The following CEP85L variants were observed in gnomAD, a reference collection of about 807,000 sequenced individuals.
CEP85L encodes centrosomal protein of 85 kDa-like.
CEP85L carries 60 observed loss-of-function variants against 100.3 expected under a neutral mutation model. The observed-to-expected ratio is 0.60, with a 90% CI of 0.49 to 0.74. The LOEUF is 0.74. Ranked by LOEUF, CEP85L falls within the 30% of genes least tolerant of loss-of-function variation. The pLI is 0.00. For missense variants in CEP85L, 973 were observed against 936.2 expected, an observed-to-expected ratio of 1.04 and a Z score of -0.51; for synonymous variants, 319 against 322.7, an observed-to-expected ratio of 0.99 and a Z score of 0.12.
At chr6:118,642,237 T>C (rs1281545250) in intron 1 of CEP85L, among the ~76,000 whole-genome samples, 3 of 152,228 alleles carry the variant, frequency 2.0e-5, no homozygotes, top group Non-Finnish European at 4.4e-5. Flanking sequence ...ATTGGTTCTC[T>C]ATGGTCTCAA....
intron 1 of CEP85L, among the ~76,000 whole-genome samples, chr6:118,681,823 C>T (rs1776671077): frequency 6.6e-6 from 1 of 150,916 alleles, no homozygotes; most frequent in African/African-American, 2.4e-5. Context: ...AATCTGCAAC[C>T]TCCACCTCCT....
Position 118,492,112 on chromosome 6 carries a change from T to C in CEP85L, c.1258-247A>G, listed in dbSNP as rs140374127. 1.6e-3 allele frequency among the ~76,000 whole-genome samples: 237 copies of C among 152,210 alleles called. No homozygotes were observed. The highest frequency in any genetic ancestry group is 5.4e-3 in the African/African-American group (223 of 41,564). ...AATAAAGCCTACTTTGCAGTGTTTT[T>C]TGAAGAAAGATAAAGTATGTAAGGT... On this transcript the variant is annotated intron_variant, in intron 5 of 12. Coordinates refer to ENST00000368491, the MANE Select transcript of CEP85L (RefSeq NM_001042475.3).
chr6:118,512,320 C>T (rs997302), intron 4 of CEP85L, among the ~76,000 whole-genome samples: 1,687 of 151,962 alleles, frequency 0.011, 41 homozygotes, highest in African/African-American at 0.039. Context: ...CTAATTAATA[C>T]AGGCATGAGG....
At chr6:118,527,340 C>T (rs151011021) in intron 3 of CEP85L, among the ~76,000 whole-genome samples, 24 of 152,138 alleles carry the variant, frequency 1.6e-4, no homozygotes, top group Non-Finnish European at 1.9e-4. Flanking sequence ...CCTGTACTGT[C>T]GGCTCGCTGT....
At chr6:118,502,385 GCTGGATGTTTTAACAAAA>G in intron 5 of CEP85L, 1 of 525,026 alleles carries the variant, frequency 1.9e-6, no homozygotes, top group South Asian at 1.7e-5. Flanking sequence ...CAGATAGTTT[GCTGGATGTTTTAACAAAA>G]GGAGGGGATT....
chr6:118,630,114 C>T (rs1774050290), intron 2 of CEP85L, among the ~76,000 whole-genome samples: 3 of 152,176 alleles, frequency 2.0e-5, no homozygotes. Flanking sequence ...AACTACAATG[C>T]ATTTAAATAT....
chr6:118,632,907 T>C (rs1774255778), intron 1 of CEP85L, among the ~76,000 whole-genome samples: 1 of 152,230 alleles, frequency 6.6e-6, no homozygotes, highest in Non-Finnish European at 1.5e-5. Context: ...TCCACTTATC[T>C]TCAAATGTCA....
chr6:118,618,138 G>A (rs1216163666), intron 2 of CEP85L, among the ~76,000 whole-genome samples: 1 of 152,124 alleles, frequency 6.6e-6, no homozygotes, highest in African/African-American at 2.4e-5. Context: ...TATCCAGGTT[G>A]AGACCATGGC....
intron 1 of CEP85L, among the ~76,000 whole-genome samples, chr6:118,705,417 G>T (rs1051410016): frequency 3.3e-5 from 5 of 152,216 alleles, no homozygotes; most frequent in Non-Finnish European, 7.3e-5. Flanking sequence ...AAGGAACAAT[G>T]AAAATGTTTA....
At position 118,543,501 on chromosome 6, in the gene CEP85L, T is replaced by C. The variant is rs1292891542; in HGVS notation, c.1021-19581A>G. On this transcript the variant is annotated intron_variant, in intron 3 of 12. Transcript: ENST00000368491. ...AAGGAAAATAAATAGACCTATATAA[T>C]ATAAAAAGTCCCCCACCAACTTCAG... Among the ~76,000 whole-genome samples the C allele has an allele frequency of 4.6e-5, 7 of 152,168 alleles. No individual in the cohort carries two copies. In the South Asian group the frequency reaches 1.2e-3, roughly 27 times the overall value.
At chr6:118,614,865 C>CAGACAGACAGACAGACAGATAGAT (rs781072805) in intron 2 of CEP85L, among the ~76,000 whole-genome samples, 2 of 149,860 alleles carry the variant, frequency 1.3e-5, no homozygotes, top group Non-Finnish European at 3.0e-5. Context: ...GACAGACAGA[C>CAGACAGACAGACAGACAGATAGAT]AGATAGATAG....
intron 1 of CEP85L, among the ~76,000 whole-genome samples, chr6:118,638,841 C>A (rs1774685731): frequency 6.6e-6 from 1 of 151,994 alleles, no homozygotes; most frequent in East Asian, 1.9e-4. Flanking sequence ...AAAAAGCAAC[C>A]TATTTTACTT....
Position 118,632,523 on chromosome 6 carries a change from G to A in CEP85L, c.162C>T (p.Ile54=). 1 of 1,613,190 alleles carries A rather than the reference G, an allele frequency of 6.2e-7. No homozygotes were observed. The highest frequency in any genetic ancestry group is 1.1e-5 in the South Asian group (1 of 90,750). Residue 54 remains isoleucine (I), a synonymous_variant, in exon 2 of 13, where the codon ATC becomes ATT. Coordinates refer to ENST00000368491, the MANE Select transcript of CEP85L (RefSeq NM_001042475.3). ...TGTCAGAAGCTATACTGTGTCTCCTGATATGGTTATTTCGATGGTTAGATG... is the reference window on the plus strand; with the variant it reads ...TGTCAGAAGCTATACTGTGTCTCCTAATATGGTTATTTCGATGGTTAGATG... ...TVPSNHRNNH[I]RRHSIASDSG... is the part of the protein sequence containing the mutation.
intron 5 of CEP85L, among the ~76,000 whole-genome samples, chr6:118,497,531 G>A (rs1018636555): frequency 1.3e-5 from 2 of 152,126 alleles, no homozygotes; most frequent in African/African-American, 4.8e-5. Flanking sequence ...TACTATAAAT[G>A]TTATGTGCTT....
intron 3 of CEP85L, among the ~76,000 whole-genome samples, chr6:118,528,357 T>C (rs1257200164): frequency 6.6e-6 from 1 of 152,148 alleles, no homozygotes; most frequent in Admixed American, 6.5e-5. Flanking sequence ...GCTAAAGTAC[T>C]TGCCAAATAC....
In CEP85L at chr6:118,565,455, A is replaced by G. The variant is rs1779443550; in HGVS notation, c.1020+74T>C. The G allele has an allele frequency of 2.9e-6, 4 of 1,357,104 alleles. No homozygotes were observed. In the South Asian group the frequency reaches 5.1e-5, roughly 17 times the overall value. The allele number at this position is 1,357,104 out of a possible 1,614,324, so 84.1% of individuals were successfully genotyped here. ...AAAACAATCTGTGAACACTTGTTAT[A>G]TGCTTACTGTAAGTGTGCTACTGTA... On this transcript the variant is annotated intron_variant, in intron 3 of 12. Transcript: ENST00000368491.
chr6:118,628,105 T>G (rs1773919004), intron 2 of CEP85L, among the ~76,000 whole-genome samples: 1 of 152,138 alleles, frequency 6.6e-6, no homozygotes, highest in African/African-American at 2.4e-5. Flanking sequence ...GCTCACCAGT[T>G]TCTTTTACCC....
At chr6:118,661,525 T>G (rs1274439405) in intron 1 of CEP85L, among the ~76,000 whole-genome samples, 1 of 152,076 alleles carries the variant, frequency 6.6e-6, no homozygotes, top group Non-Finnish European at 1.5e-5. Flanking sequence ...TAATAAATAT[T>G]CAGAATCCTT....
At chr6:118,511,965 GA>G (rs544839945) in intron 4 of CEP85L, among the ~76,000 whole-genome samples, 2,664 of 134,494 alleles carry the variant, frequency 0.02, 58 homozygotes, top group African/African-American at 0.061. Context: ...TTACAAGAAA[GA>G]AAAAAAAAAA....
Sources: allele counts gnomAD v4.1 joint callset (sites outside exome capture counted in the v4.1 genomes callset), GRCh38; gene constraint gnomAD v4.1.1; transcripts MANE v1.5; gene names NCBI Gene and HGNC (gene_info 2026-07-23, HGNC 2026-07-21).